Variants in CDIN1 observed in about 807,000 individuals in gnomAD.
CDIN1 encodes CDAN1-interacting nuclease 1.
CDIN1 carries 33 observed loss-of-function variants against 45.3 expected under a neutral mutation model. The observed-to-expected ratio is 0.73, with a 90% CI of 0.55 to 0.97. The LOEUF (loss-of-function observed/expected upper bound fraction) is 0.97. CDIN1 is among the 50% of genes least tolerant of loss of function. The pLI, the probability that CDIN1 is intolerant of heterozygous loss-of-function variation, is 0.00. For missense variants in CDIN1, 303 were observed against 339.4 expected (o/e 0.89, Z 0.84); for synonymous variants, 118 against 124.4 (o/e 0.95, Z 0.34).
intron 1 of CDIN1, among the ~76,000 whole-genome samples, chr15:36,625,498 A>G (rs1431593430): frequency 5.3e-5 from 8 of 152,234 alleles, no homozygotes. Flanking sequence ...AGATTCATTC[A>G]TGATATTTTC....
chr15:36,595,280 T>C (rs1467472960), intron 1 of CDIN1, among the ~76,000 whole-genome samples: 1 of 140,036 alleles, frequency 7.1e-6, no homozygotes, highest in Non-Finnish European at 1.5e-5. Context: ...CATTGGCTAA[T>C]ACACTTACAT....
At chr15:36,669,354 G>A (rs1164804915) in intron 5 of CDIN1, among the ~76,000 whole-genome samples, 1 of 152,200 alleles carries the variant, frequency 6.6e-6, no homozygotes, top group East Asian at 1.9e-4. Flanking sequence ...TAGTGGTAAT[G>A]AAAGGGTTAA....
At chr15:36,670,729 T>C (rs2041418968) in intron 5 of CDIN1, among the ~76,000 whole-genome samples, 1 of 152,158 alleles carries the variant, frequency 6.6e-6, no homozygotes, top group Non-Finnish European at 1.5e-5. Flanking sequence ...AATTATTTCT[T>C]GTTTTAATCT....
chr15:36,775,132 C>T (rs544419915), intron 10 of CDIN1, among the ~76,000 whole-genome samples: 1 of 152,298 alleles, frequency 6.6e-6, no homozygotes, highest in East Asian at 1.9e-4. Context: ...ATCAATCAGC[C>T]ATGAAATAAC....
intron 10 of CDIN1, chr15:36,790,303 C>T (rs1201345932): frequency 6.6e-6 from 1 of 152,224 alleles, no homozygotes; most frequent in African/African-American, 2.4e-5. Flanking sequence ...GCACCTTTTC[C>T]AGAGTTGTTA....
At chr15:36,593,656 T>C (rs936187144) in intron 1 of CDIN1, among the ~76,000 whole-genome samples, 29 of 152,250 alleles carry the variant, frequency 1.9e-4, no homozygotes, top group Admixed American at 5.9e-4. Context: ...CTCCACCTCC[T>C]GGGTTCACAG....
At chr15:36,601,221 G>A (rs971463193) in intron 1 of CDIN1, among the ~76,000 whole-genome samples, 3 of 152,198 alleles carry the variant, frequency 2.0e-5, no homozygotes, top group Admixed American at 2.0e-4. Context: ...GGTACGATGT[G>A]TAACTGTCCT....
chr15:36,734,895 C>T (rs770672554), intron 10 of CDIN1, among the ~76,000 whole-genome samples: 1 of 152,118 alleles, frequency 6.6e-6, no homozygotes, highest in Non-Finnish European at 1.5e-5. Flanking sequence ...ATTAAAATCT[C>T]CTGTGTCTAG....
intron 5 of CDIN1, among the ~76,000 whole-genome samples, chr15:36,661,504 C>T (rs1030772831): frequency 3.3e-5 from 5 of 151,804 alleles, no homozygotes; most frequent in East Asian, 1.9e-4. Flanking sequence ...TGTTTTATAC[C>T]GTGTTTTCTA....
chr15:36,760,045 T>TA (rs1394895345), intron 10 of CDIN1, among the ~76,000 whole-genome samples: 20 of 152,170 alleles, frequency 1.3e-4, no homozygotes, highest in Admixed American at 1.2e-3. Context: ...GTAGAGTACT[T>TA]ATGTGTTTTT....
At chr15:36,778,959 C>T (rs1399729899) in intron 10 of CDIN1, among the ~76,000 whole-genome samples, 2 of 152,134 alleles carry the variant, frequency 1.3e-5, no homozygotes, top group African/African-American at 2.4e-5. Flanking sequence ...TAATTGAAAA[C>T]AGGATTGTAG....
At chr15:36,738,325 A>G (rs938071920) in intron 10 of CDIN1, among the ~76,000 whole-genome samples, 8 of 152,092 alleles carry the variant, frequency 5.3e-5, no homozygotes, top group African/African-American at 1.9e-4. Context: ...ATGTCCTTAA[A>G]TGTTTTTCCC....
At chr15:36,766,345 T>G (rs962645964) in intron 10 of CDIN1, among the ~76,000 whole-genome samples, 2 of 152,240 alleles carry the variant, frequency 1.3e-5, no homozygotes. Flanking sequence ...TTAGTTACTG[T>G]GAATATTGCT....
chr15:36,591,643 T>C (rs1039061737), intron 1 of CDIN1: 3 of 152,220 alleles, frequency 2.0e-5, no homozygotes, highest in Non-Finnish European at 2.9e-5. Flanking sequence ...ACTCTCTACA[T>C]GCAGATAGAT....
chr15:36,617,666 G>A (rs2038957954), intron 1 of CDIN1: 1 of 767,628 alleles, frequency 1.3e-6, no homozygotes, highest in Admixed American at 1.7e-5. Context: ...AAAAAAGTGA[G>A]CCAAGTCATA....
At chr15:36,752,328 C>G (rs998235931) in intron 10 of CDIN1, among the ~76,000 whole-genome samples, 1 of 152,152 alleles carries the variant, frequency 6.6e-6, no homozygotes, top group African/African-American at 2.4e-5. Context: ...GTTTATCTTT[C>G]TAGAACTTTG....
chr15:36,599,403 A>G (rs555210668), intron 1 of CDIN1, among the ~76,000 whole-genome samples: 3 of 152,174 alleles, frequency 2.0e-5, no homozygotes, highest in Non-Finnish European at 4.4e-5. Flanking sequence ...CCACTTTATC[A>G]TGTAGCTGTA....
At chr15:36,745,739 G>A (rs1030050036) in intron 10 of CDIN1, among the ~76,000 whole-genome samples, 1 of 152,138 alleles carries the variant, frequency 6.6e-6, no homozygotes, top group East Asian at 1.9e-4. Context: ...GCCGAGGCGA[G>A]TGAATCATCT....
At chr15:36,792,637 G>A (rs1007523711) in intron 10 of CDIN1, among the ~76,000 whole-genome samples, 2 of 152,038 alleles carry the variant, frequency 1.3e-5, no homozygotes, top group African/African-American at 2.4e-5. Flanking sequence ...TTTAATGTAC[G>A]CTTTTCTTGA....
Sources: allele counts gnomAD v4.1 joint callset (sites outside exome capture counted in the v4.1 genomes callset), GRCh38; gene constraint gnomAD v4.1.1; transcripts MANE v1.5; gene names NCBI Gene and HGNC (gene_info 2026-07-23, HGNC 2026-07-21).